Variants in COMMD10 observed in about 807,000 individuals in gnomAD.
COMMD10 encodes the protein COMM domain-containing protein 10.
In COMMD10, 33 loss-of-function variants were observed where a neutral mutation model predicts 28.9. The ratio of observed to expected loss-of-function variants is 1.14; its 90% confidence interval spans 0.87 to 1.53. The LOEUF is 1.53. COMMD10 is among the 40% of genes most tolerant of loss of function. The pLI is 0.00. For synonymous variants in COMMD10, 110 were observed against 81.7 expected, an observed-to-expected ratio of 1.35 and a Z score of -1.87; for missense variants, 310 against 233.4, an observed-to-expected ratio of 1.33 and a Z score of -2.14.
At chr5:116,173,357 A>C (rs1308194847) in intron 5 of COMMD10, among the ~76,000 whole-genome samples, 2 of 152,256 alleles carry the variant, frequency 1.3e-5, no homozygotes, top group East Asian at 3.9e-4. Context: ...AAAGTGTTAT[A>C]TAAGCCAATT....
intron 5 of COMMD10, among the ~76,000 whole-genome samples, chr5:116,169,628 A>G (rs147377798): frequency 0.015 from 2,283 of 152,330 alleles, 56 homozygotes; most frequent in African/African-American, 0.048. Context: ...CATATCAAAT[A>G]GCTTATCCAC....
rs933037563 is a variant in COMMD10, at chr5:116,128,078, C to G, written c.400-5990C>G. ...GGACATAGTCGAAAAAACTTTAATG[C>G]TGCTGTTTTTAGAGAGCTTCTAGTA... On this transcript the variant is annotated intron_variant, in intron 4 of 6. Coordinates refer to ENST00000274458, the MANE Select transcript of COMMD10 (RefSeq NM_016144.4). Among the ~76,000 whole-genome samples, 12 of 152,008 alleles carry G rather than the reference C, an allele frequency of 7.9e-5. 1 individual carries two copies. Among genetic ancestry groups the G allele is most frequent in the Admixed American group, 7.9e-4 (12 of 15,226 alleles).
rs369278358 is a variant in COMMD10, at chr5:116,283,857, C to T, written c.511-7660C>T. 8.6e-5 allele frequency among the ~76,000 whole-genome samples: 13 copies of T among 151,898 alleles called. 1 individual carries two copies. The East Asian group carries it at 1.4e-3, about 16-fold the overall frequency. On this transcript the variant is annotated intron_variant, in intron 5 of 6. Coordinates refer to ENST00000274458, the MANE Select transcript of COMMD10 (RefSeq NM_016144.4). ...TACAATTATCAGCAAAGGCCAGGTACAGTGGCTCATGCCTGTAATCCCAAC... is the reference window on the plus strand; with the variant it reads ...TACAATTATCAGCAAAGGCCAGGTATAGTGGCTCATGCCTGTAATCCCAAC...
chr5:116,167,464 G>A (rs979885118), intron 5 of COMMD10, among the ~76,000 whole-genome samples: 5 of 152,068 alleles, frequency 3.3e-5, no homozygotes, highest in Non-Finnish European at 7.4e-5. Flanking sequence ...AGCAAGACAG[G>A]ACAACATTCA....
intron 5 of COMMD10, among the ~76,000 whole-genome samples, chr5:116,174,944 G>T (rs144525829): frequency 3.9e-5 from 6 of 151,966 alleles, no homozygotes; most frequent in Admixed American, 3.3e-4. Flanking sequence ...TTAACTTTTC[G>T]TTTTTTTAAA....
At chr5:116,152,793 T>G (rs1431816691) in intron 5 of COMMD10, among the ~76,000 whole-genome samples, 6 of 152,128 alleles carry the variant, frequency 3.9e-5, no homozygotes, top group Admixed American at 2.6e-4. Flanking sequence ...ATTGTAATTA[T>G]GTGTTGACCT....
At chr5:116,178,384 T>TA (rs1747818424) in intron 5 of COMMD10, among the ~76,000 whole-genome samples, 1 of 152,110 alleles carries the variant, frequency 6.6e-6, no homozygotes, top group African/African-American at 2.4e-5. Flanking sequence ...AAACAAAACT[T>TA]ACTTTATAAA....
chr5:116,266,573 T>A (rs2112691348), intron 5 of COMMD10, among the ~76,000 whole-genome samples: 1 of 151,958 alleles, frequency 6.6e-6, no homozygotes, highest in East Asian at 1.9e-4. Context: ...TTAATTTAAA[T>A]CTCTTTCCAT....
In COMMD10 at chr5:116,208,274, A is replaced by C. The variant is rs931368468; in HGVS notation, c.510+74096A>C. Among the ~76,000 whole-genome samples, 11 of 152,108 alleles carry C rather than the reference A, an allele frequency of 7.2e-5. No individual in the cohort carries two copies. The East Asian group carries it at 1.9e-3, about 27-fold the overall frequency. On this transcript the variant is annotated intron_variant, in intron 5 of 6. Coordinates refer to ENST00000274458, the MANE Select transcript of COMMD10 (RefSeq NM_016144.4). ...TATTCAGTTATAAACATTTTATTGC[A>C]CTTTTGGAGCCTTTTCCAAGTCCTG... is the stretch of plus-strand genomic sequence containing the variant.
At chr5:116,128,932 T>C (rs1158932704) in intron 4 of COMMD10, among the ~76,000 whole-genome samples, 1 of 151,964 alleles carries the variant, frequency 6.6e-6, no homozygotes, top group Non-Finnish European at 1.5e-5. Flanking sequence ...AGGTGCTTGA[T>C]GTTCATTAGC....
At chr5:116,152,047 G>C (rs1008411552) in intron 5 of COMMD10, among the ~76,000 whole-genome samples, 2 of 152,106 alleles carry the variant, frequency 1.3e-5, no homozygotes, top group African/African-American at 4.8e-5. Flanking sequence ...AGAGATTCTG[G>C]TATGTTGTGT....
chr5:116,138,967 C>A (rs979352125), intron 5 of COMMD10, among the ~76,000 whole-genome samples: 7 of 151,614 alleles, frequency 4.6e-5, no homozygotes, highest in African/African-American at 1.7e-4. Flanking sequence ...TAAATGGAGA[C>A]ACGGAAGCAC....
chr5:116,215,178 A>G (rs1021088303), intron 5 of COMMD10, among the ~76,000 whole-genome samples: 2 of 152,016 alleles, frequency 1.3e-5, no homozygotes, highest in African/African-American at 2.4e-5. Flanking sequence ...CCTCATTTTT[A>G]AATAGTGTTT....
At chr5:116,218,462 GTTGT>G (rs1749161207) in intron 5 of COMMD10, among the ~76,000 whole-genome samples, 1 of 152,108 alleles carries the variant, frequency 6.6e-6, no homozygotes, top group Admixed American at 6.5e-5. Context: ...GTACATTTAA[GTTGT>G]TTATTACTTT....
intron 5 of COMMD10, among the ~76,000 whole-genome samples, chr5:116,242,444 GA>G (rs1749836908): frequency 6.6e-6 from 1 of 152,146 alleles, no homozygotes; most frequent in Admixed American, 6.5e-5. Context: ...GTTATCTTAG[GA>G]AATCCTCTCA....
intron 5 of COMMD10, among the ~76,000 whole-genome samples, chr5:116,168,160 A>C (rs1753196008): frequency 2.4e-5 from 1 of 41,336 alleles, no homozygotes; most frequent in Non-Finnish European, 1.2e-4. Context: ...ATGGAAAGCA[A>C]AAAAAAAAAA....
At chr5:116,145,581 T>G (rs1327736584) in intron 5 of COMMD10, among the ~76,000 whole-genome samples, 2 of 151,788 alleles carry the variant, frequency 1.3e-5, no homozygotes, top group Admixed American at 6.6e-5. Context: ...AGAAATATGC[T>G]GGAACCTAGC....
intron 5 of COMMD10, among the ~76,000 whole-genome samples, chr5:116,183,596 TGA>T (rs1366277758): frequency 3.9e-5 from 6 of 152,256 alleles, no homozygotes; most frequent in African/African-American, 1.2e-4. Context: ...CTTTGTGTTC[TGA>T]GAGAGTGCTG....
At chr5:116,091,547 T>G (rs1750298605) in intron 3 of COMMD10, among the ~76,000 whole-genome samples, 1 of 152,170 alleles carries the variant, frequency 6.6e-6, no homozygotes, top group African/African-American at 2.4e-5. Flanking sequence ...GCCACTAAGC[T>G]GCCTTCTGCA....
Sources: gnomAD v4.1 joint callset for allele counts (sites outside exome capture counted in the v4.1 genomes callset) on GRCh38, gnomAD v4.1.1 for gene constraint, MANE v1.5 for transcripts, NCBI Gene and HGNC (gene_info 2026-07-23, HGNC 2026-07-21) for gene names.